FASTKD2: variants seen among roughly 807,000 people sequenced by gnomAD.
FASTKD2 encodes FAST kinase domain-containing protein 2, mitochondrial.
In FASTKD2, 51 loss-of-function variants were observed where a neutral mutation model predicts 63.6. The observed-to-expected ratio is 0.80, with a 90% CI of 0.64 to 1.01. The LOEUF is 1.01. Ranked by LOEUF, FASTKD2 falls within the 50% of genes least tolerant of loss-of-function variation. The pLI is 0.00. For missense variants in FASTKD2, 786 were observed against 831.1 expected (o/e 0.95, Z 0.67); for synonymous variants, 284 against 293.4 (o/e 0.97, Z 0.33).
chr2:206,766,196 G>A (rs1378619627), intron 1 of FASTKD2, among the ~76,000 whole-genome samples: 2 of 147,274 alleles, frequency 1.4e-5, no homozygotes, highest in Non-Finnish European at 3.0e-5. Context: ...GGAGGTGGAG[G>A]TTGCAGTGAG....
intron 3 of FASTKD2, 72 bp downstream of exon 3, chr2:206,770,266 A>G: frequency 1.0e-6 from 1 of 1,002,054 alleles, no homozygotes; most frequent in East Asian, 2.4e-5. Flanking sequence ...AAAAATTGAG[A>G]TGAAAACTAA....
At chr2:206,784,199 C>T (rs1346039795) in intron 7 of FASTKD2, among the ~76,000 whole-genome samples, 1 of 152,224 alleles carries the variant, frequency 6.6e-6, no homozygotes, top group East Asian at 1.9e-4. Context: ...ATTCCCTGCT[C>T]TTCCTAGACC....
intron 7 of FASTKD2, among the ~76,000 whole-genome samples, chr2:206,779,166 A>AAC (rs1689902351): frequency 1.3e-5 from 2 of 152,164 alleles, no homozygotes; most frequent in South Asian, 4.1e-4. Context: ...TTTTTAACTT[A>AAC]AAGTATATTT....
chr2:206,785,691 G>A (rs764954462), intron 7 of FASTKD2, among the ~76,000 whole-genome samples: 1 of 152,110 alleles, frequency 6.6e-6, no homozygotes, highest in Non-Finnish European at 1.5e-5. Context: ...AATTTCAGAC[G>A]TGCTGCCTTG....
intron 7 of FASTKD2, among the ~76,000 whole-genome samples, chr2:206,776,099 C>G (rs1689817585): frequency 6.6e-6 from 1 of 151,100 alleles, no homozygotes; most frequent in Non-Finnish European, 1.5e-5. Flanking sequence ...TATTCAGTTA[C>G]AGTATGTTAT....
At chr2:206,767,552 T>C in intron 2 of FASTKD2, 82 bp downstream of exon 2, 2 of 1,078,598 alleles carry the variant, frequency 1.9e-6, no homozygotes, top group East Asian at 5.0e-5. Context: ...ATATGTAGCC[T>C]TCTTAAAAGA....
chr2:206,770,248 T>C, intron 3 of FASTKD2, 54 bp downstream of exon 3: 2 of 1,155,304 alleles, frequency 1.7e-6, no homozygotes, highest in South Asian at 2.4e-5. Flanking sequence ...CTCATATATC[T>C]GGAATAAAAA....
chr2:206,783,695 TAAC>T (rs1690057515), intron 7 of FASTKD2, among the ~76,000 whole-genome samples: 1 of 152,086 alleles, frequency 6.6e-6, no homozygotes, highest in Non-Finnish European at 1.5e-5. Context: ...AGAGGGGGGA[TAAC>T]AAAGGTAACA....
intron 10 of FASTKD2, 176 bp from the exon 11 acceptor site, chr2:206,790,396 C>G (rs562746029): frequency 3.3e-6 from 2 of 609,758 alleles, no homozygotes; most frequent in Non-Finnish European, 6.0e-6. Context: ...ATAAAGTAGC[C>G]TTGTATAGTG....
intron 7 of FASTKD2, among the ~76,000 whole-genome samples, chr2:206,778,275 G>T (rs145015154): frequency 6.6e-6 from 1 of 151,396 alleles, no homozygotes; most frequent in African/African-American, 2.4e-5. Flanking sequence ...TTTAAGATAG[G>T]TGTTTATTGC....
At chr2:206,788,532 A>G (rs1482760623) in intron 9 of FASTKD2, among the ~76,000 whole-genome samples, 1 of 152,044 alleles carries the variant, frequency 6.6e-6, no homozygotes, top group African/African-American at 2.4e-5. Context: ...TCAGGAGTTC[A>G]AGACCAGCCT....
intron 10 of FASTKD2, chr2:206,789,507 C>T (rs551300148): frequency 1.2e-4 from 19 of 152,722 alleles, no homozygotes; most frequent in African/African-American, 4.1e-4. Flanking sequence ...TGCACACACC[C>T]GTGGGTCAGT....
intron 2 of FASTKD2, among the ~76,000 whole-genome samples, chr2:206,769,014 T>A (rs943021547): frequency 6.6e-6 from 1 of 152,210 alleles, no homozygotes; most frequent in South Asian, 2.1e-4. Flanking sequence ...TGGACAGATA[T>A]TTGCATCGGG....
chr2:206,777,938 C>T (rs952604082), intron 7 of FASTKD2, among the ~76,000 whole-genome samples: 2 of 152,032 alleles, frequency 1.3e-5, no homozygotes, highest in Admixed American at 6.6e-5. Flanking sequence ...TGTTGGCATA[C>T]AGTTGTTCAT....
rs1690298518 is a variant in FASTKD2 at position 206,791,964 on chromosome 2, C to G, written c.*162C>G. The G allele has an allele frequency of 4.5e-6, 3 of 661,558 alleles. No individual in the cohort carries two copies. The highest frequency in any genetic ancestry group is 7.7e-6 in the Non-Finnish European group (3 of 389,108). 41.0% of individuals were successfully genotyped at this position (661,558 alleles called of 1,614,324 possible). A position where few individuals can be genotyped will look rare whatever the true frequency, so the allele number is the denominator to read the frequency against. On this transcript the variant is annotated 3_prime_UTR_variant, in exon 12 of 12. Transcript: ENST00000402774. The stretch of plus-strand genomic sequence containing the variant: ...AGGAGTGGAAGAAATGTTGTTACTG[C>G]CATTTAAAAATATGCTGAGAAAATT...
chr2:206,776,512 T>C (rs1048415326), intron 7 of FASTKD2, among the ~76,000 whole-genome samples: 8 of 152,052 alleles, frequency 5.3e-5, no homozygotes, highest in African/African-American at 1.9e-4. Flanking sequence ...TTAGGTCTTA[T>C]GTTTAAATCT....
intron 10 of FASTKD2, 60 bp from the exon 11 acceptor site, chr2:206,790,512 G>T: frequency 2.0e-6 from 2 of 994,286 alleles, no homozygotes; most frequent in East Asian, 2.4e-5. Flanking sequence ...GAACAAGAAT[G>T]CAGCAAGACT....
In FASTKD2 at chr2:206,767,040, C is replaced by G; in HGVS notation, c.347C>G (p.Ser116Ter). 1.2e-6 allele frequency: 2 copies of G among 1,613,498 alleles called. No homozygotes were observed. Among genetic ancestry groups the G allele is most frequent in the Non-Finnish European group, 1.7e-6 (2 of 1,179,512 alleles). Reference protein sequence around the residue: ...LLYAKRLFFDSKQSLVPVDKS... With the variant: ...LLYAKRLFFD ...TATGCTAAAAGACTGTTTTTTGACT[C>G]AAAGCAGTCTCTTGTCCCTGTTGAT... Residue 116 changes from serine to a stop codon, truncating the protein, a stop_gained, in exon 2 of 12, where the codon TCA (serine) becomes TGA (stop). Transcript: ENST00000402774. LOFTEE classifies it high-confidence loss of function.
intron 10 of FASTKD2, 91 bp from the exon 11 acceptor site, chr2:206,790,481 C>A: frequency 1.2e-6 from 1 of 826,202 alleles, no homozygotes; most frequent in Non-Finnish European, 2.1e-6. Flanking sequence ...CGGTGGAGAG[C>A]TCAACTTGGA....
Sources: allele counts gnomAD v4.1 joint callset (sites outside exome capture counted in the v4.1 genomes callset), GRCh38; gene constraint gnomAD v4.1.1; transcripts MANE v1.5; gene names NCBI Gene and HGNC (gene_info 2026-07-23, HGNC 2026-07-21).